Variants in FNDC3B observed in about 807,000 individuals in gnomAD.
The protein encoded by FNDC3B is fibronectin type III domain-containing protein 3B.
A neutral mutation model predicts 151.5 loss-of-function variants in FNDC3B; 12 were observed. The ratio of observed to expected loss-of-function variants is 0.08; its 90% confidence interval spans 0.05 to 0.13. The LOEUF (loss-of-function observed/expected upper bound fraction) is 0.13. FNDC3B is among the 10% of genes least tolerant of loss of function. FNDC3B has a pLI of 1.00. For synonymous variants in FNDC3B, 528 were observed against 549.0 expected (o/e 0.96, Z 0.54); for missense variants, 1,214 against 1,505.3 (o/e 0.81, Z 3.20).
At chr3:172,349,982 C>G (rs1412563676) in intron 21 of FNDC3B, among the ~76,000 whole-genome samples, 2 of 152,050 alleles carry the variant, frequency 1.3e-5, no homozygotes, top group Non-Finnish European at 2.9e-5. Context: ...TGGTTTTGAT[C>G]ATTATTCTAT....
intron 16 of FNDC3B, among the ~76,000 whole-genome samples, chr3:172,340,213 C>A (rs1343996652): frequency 6.6e-6 from 1 of 152,102 alleles, no homozygotes; most frequent in Non-Finnish European, 1.5e-5. Flanking sequence ...CTCTTCAGTT[C>A]CACAAAGCGG....
chr3:172,045,788 C>A (rs1696097), intron 1 of FNDC3B, among the ~76,000 whole-genome samples: 15,423 of 134,548 alleles, frequency 0.11, 812 homozygotes, highest in South Asian at 0.13. Context: ...CTCTCTCTCT[C>A]TCTCTCTATA....
chr3:172,221,144 C>A (rs1166065919), intron 3 of FNDC3B, among the ~76,000 whole-genome samples: 1 of 151,126 alleles, frequency 6.6e-6, no homozygotes, highest in East Asian at 1.9e-4. Context: ...TTATACCTTG[C>A]AGGTTTACTG....
chr3:172,323,551 A>C (rs956887280), intron 11 of FNDC3B, among the ~76,000 whole-genome samples: 9 of 152,212 alleles, frequency 5.9e-5, no homozygotes, highest in African/African-American at 2.2e-4. Context: ...GAATATTTGG[A>C]AACAGTATTT....
Position 172,398,638 on chromosome 3 carries a change from G to A in FNDC3B, c.*1163G>A, listed in dbSNP as rs1219929974. 3 of 152,148 alleles carry A rather than the reference G, an allele frequency of 2.0e-5. No homozygotes were observed. In the East Asian group the frequency reaches 5.8e-4, roughly 29 times the overall value. 9.4% of individuals were successfully genotyped at this position (152,148 alleles called of 1,614,324 possible). On this transcript the variant is annotated 3_prime_UTR_variant, in exon 26 of 26. Transcript: ENST00000415807. ...GAATGGTGTTTGATGGTAAACACAG[G>A]GTGTTTGGGGATCAAGGAGCCTAGA... is the stretch of plus-strand genomic sequence containing the variant.
intron 6 of FNDC3B, among the ~76,000 whole-genome samples, chr3:172,285,353 A>G (rs1371887685): frequency 1.3e-5 from 2 of 152,098 alleles, no homozygotes; most frequent in African/African-American, 4.8e-5. Flanking sequence ...CTTACCTTCC[A>G]TATATCCGTT....
intron 7 of FNDC3B, 96 bp downstream of exon 7, chr3:172,286,080 G>A (rs1730000399): frequency 2.3e-6 from 2 of 865,376 alleles, no homozygotes; most frequent in Non-Finnish European, 3.7e-6. Context: ...TAAGGAAAAG[G>A]GCTCTTTCCC....
At chr3:172,103,492 G>T (rs943971231) in intron 1 of FNDC3B, among the ~76,000 whole-genome samples, 1 of 151,694 alleles carries the variant, frequency 6.6e-6, no homozygotes, top group Non-Finnish European at 1.5e-5. Flanking sequence ...ACTCTGCTTT[G>T]CCAAATTTAA....
intron 3 of FNDC3B, among the ~76,000 whole-genome samples, chr3:172,178,145 G>C (rs1318204113): frequency 6.6e-6 from 1 of 152,140 alleles, no homozygotes; most frequent in African/African-American, 2.4e-5. Context: ...ACACTGGCCT[G>C]TCTGGGTCTG....
rs1425454517 is a variant in FNDC3B, at chr3:172,347,369, G to C, written c.2514+8G>C. 1 of 1,607,600 alleles carries C rather than the reference G, an allele frequency of 6.2e-7. No homozygotes were observed. Among genetic ancestry groups the C allele is most frequent in the Non-Finnish European group, 8.5e-7 (1 of 1,176,718 alleles). ...TATTGCTGTAGACTACAGGTAGGTTGACATTATTCAGATGTTACTCACAAG... is the reference window on the plus strand; with the variant it reads ...TATTGCTGTAGACTACAGGTAGGTTCACATTATTCAGATGTTACTCACAAG... On this transcript the variant is annotated splice_region_variant and intron_variant, in intron 21 of 25. Transcript: ENST00000415807.
chr3:172,101,208 TGTCA>T (rs990999558), intron 1 of FNDC3B, among the ~76,000 whole-genome samples: 1 of 152,212 alleles, frequency 6.6e-6, no homozygotes, highest in Non-Finnish European at 1.5e-5. Context: ...CTGTAACACC[TGTCA>T]GATTTCAAAG....
At chr3:172,209,654 C>G (rs149226688) in intron 3 of FNDC3B, among the ~76,000 whole-genome samples, 10 of 152,352 alleles carry the variant, frequency 6.6e-5, no homozygotes, top group African/African-American at 2.4e-4. Context: ...CTCCCAGTAG[C>G]CGACTCCACC....
chr3:172,167,292 A>T (rs1723054522), intron 3 of FNDC3B, among the ~76,000 whole-genome samples: 1 of 152,124 alleles, frequency 6.6e-6, no homozygotes, highest in African/African-American at 2.4e-5. Flanking sequence ...GCTACTCGGG[A>T]GGCTGAGGCA....
intron 3 of FNDC3B, among the ~76,000 whole-genome samples, chr3:172,207,760 C>A (rs1476438968): frequency 6.6e-6 from 1 of 152,136 alleles, no homozygotes. Context: ...CCAGCCCGAC[C>A]AACATGGTGA....
intron 3 of FNDC3B, among the ~76,000 whole-genome samples, chr3:172,144,459 C>T (rs751393661): frequency 6.6e-6 from 1 of 152,168 alleles, no homozygotes; most frequent in Admixed American, 6.5e-5. Flanking sequence ...AGGCAGGCGT[C>T]GAGCCTGAAG....
chr3:172,194,320 G>A (rs189473740), intron 3 of FNDC3B, among the ~76,000 whole-genome samples: 52 of 152,266 alleles, frequency 3.4e-4, no homozygotes, highest in Non-Finnish European at 5.4e-4. Flanking sequence ...CTGCTGTTTC[G>A]TACTCTAGTA....
At position 172,261,679 on chromosome 3, in the gene FNDC3B, T is replaced by G. The variant is rs534400819; in HGVS notation, c.790+10138T>G. ...AAGGTCCCTGGGAAACAACAGTGATTCTATTAGGCTGGTGCACAAATAATT... is the reference window on the plus strand; with the variant it reads ...AAGGTCCCTGGGAAACAACAGTGATGCTATTAGGCTGGTGCACAAATAATT... On this transcript the variant is annotated intron_variant, in intron 6 of 25. Coordinates refer to ENST00000415807, the MANE Select transcript of FNDC3B (RefSeq NM_022763.4). Among the ~76,000 whole-genome samples the G allele has an allele frequency of 2.0e-5, 3 of 152,326 alleles. No individual in the cohort carries two copies. In the East Asian group the frequency reaches 5.8e-4, roughly 29 times the overall value.
intron 24 of FNDC3B, among the ~76,000 whole-genome samples, chr3:172,380,225 T>C (rs1735368036): frequency 6.6e-6 from 1 of 152,050 alleles, no homozygotes; most frequent in East Asian, 1.9e-4. Context: ...AGTTACAAAA[T>C]AGGAAAATGT....
chr3:172,180,079 AT>A (rs1216993455), intron 3 of FNDC3B, among the ~76,000 whole-genome samples: 1 of 152,078 alleles, frequency 6.6e-6, no homozygotes, highest in Non-Finnish European at 1.5e-5. Context: ...ATGTTTGCGT[AT>A]TTTGATTGCA....
Sources: allele counts gnomAD v4.1 joint callset (sites outside exome capture counted in the v4.1 genomes callset), GRCh38; gene constraint gnomAD v4.1.1; transcripts MANE v1.5; gene names NCBI Gene and HGNC (gene_info 2026-07-23, HGNC 2026-07-21).